SHISA9: variants seen among roughly 807,000 people sequenced by gnomAD.
SHISA9 encodes shisa family member 9, also known as protein shisa-9.
In SHISA9, 13 loss-of-function variants were observed where a neutral mutation model predicts 38.0. The observed-to-expected ratio is 0.34, with a 90% CI of 0.22 to 0.54. The LOEUF is 0.54. Ranked by LOEUF, SHISA9 falls within the 20% of genes least tolerant of loss-of-function variation. The pLI, the probability that SHISA9 is intolerant of heterozygous loss-of-function variation, is 0.91. For missense variants in SHISA9, 538 were observed against 575.8 expected (o/e 0.93, Z 0.67); for synonymous variants, 275 against 242.0 (o/e 1.14, Z -1.27).
chr16:13,009,540 G>C (rs776290789), intron 2 of SHISA9, among the ~76,000 whole-genome samples: 1 of 152,102 alleles, frequency 6.6e-6, no homozygotes, highest in Non-Finnish European at 1.5e-5. Context: ...AAGGTGAAAG[G>C]GCCAATAGCC....
At chr16:12,988,118 C>T (rs1029069326) in intron 2 of SHISA9, among the ~76,000 whole-genome samples, 6 of 152,220 alleles carry the variant, frequency 3.9e-5, no homozygotes. Context: ...CAGCAATGCA[C>T]TGAGACTCCT....
intron 2 of SHISA9, among the ~76,000 whole-genome samples, chr16:13,112,155 C>T (rs2073984984): frequency 6.6e-6 from 1 of 152,104 alleles, no homozygotes; most frequent in African/African-American, 2.4e-5. Context: ...TAGGTTGTTT[C>T]ATGATTCGTC....
chr16:13,102,779 C>T (rs1460611565), intron 2 of SHISA9, among the ~76,000 whole-genome samples: 1 of 152,084 alleles, frequency 6.6e-6, no homozygotes, highest in Non-Finnish European at 1.5e-5. Context: ...CCTGTTAATC[C>T]CCAATCAATA....
At chr16:13,112,112 A>G (rs1279056558) in intron 2 of SHISA9, among the ~76,000 whole-genome samples, 3 of 151,514 alleles carry the variant, frequency 2.0e-5, no homozygotes, top group East Asian at 1.9e-4. Context: ...AAGGGTAAGG[A>G]TTTTTTTTTG....
the SHISA9 span, among the ~76,000 whole-genome samples, chr16:13,381,509 G>A: frequency 6.6e-6 from 1 of 152,154 alleles, no homozygotes; most frequent in Non-Finnish European, 1.5e-5. Flanking sequence ...GCACTTAAAT[G>A]TACTGAGTCA....
chr16:13,128,222 G>C (rs2050277842), intron 2 of SHISA9, among the ~76,000 whole-genome samples: 2 of 152,142 alleles, frequency 1.3e-5, no homozygotes, highest in African/African-American at 4.8e-5. Context: ...CTGGGTGAAG[G>C]AAAGGAAGGG....
intron 2 of SHISA9, among the ~76,000 whole-genome samples, chr16:12,986,151 C>T (rs2141827759): frequency 6.6e-6 from 1 of 152,238 alleles, no homozygotes; most frequent in African/African-American, 2.4e-5. Flanking sequence ...CATATACAAA[C>T]CCTCTTTAAG....
intron 2 of SHISA9, among the ~76,000 whole-genome samples, chr16:13,012,607 A>G (rs542931988): frequency 2.2e-4 from 33 of 152,304 alleles, no homozygotes; most frequent in South Asian, 4.1e-4. Context: ...CCTTCTACAC[A>G]TTGCAGGGAA....
chr16:12,998,328 T>G (rs186820648), intron 2 of SHISA9, among the ~76,000 whole-genome samples: 5 of 152,350 alleles, frequency 3.3e-5, no homozygotes, highest in African/African-American at 1.2e-4. Flanking sequence ...CATTTATTTC[T>G]TGCTCATGTG....
At chr16:13,456,280 T>G in the SHISA9 span, among the ~76,000 whole-genome samples, 1 of 152,152 alleles carries the variant, frequency 6.6e-6, no homozygotes, top group African/African-American at 2.4e-5. Context: ...TCAACCTGTT[T>G]CCCACTCGAA....
chr16:13,221,560 G>A (rs537434177), intron 4 of SHISA9, among the ~76,000 whole-genome samples: 8 of 151,338 alleles, frequency 5.3e-5, no homozygotes, highest in African/African-American at 1.7e-4. Flanking sequence ...ACTGTTTTAC[G>A]GTACTAAAAT....
chr16:13,286,732 A>G, the SHISA9 span, among the ~76,000 whole-genome samples: 5 of 152,296 alleles, frequency 3.3e-5, no homozygotes, highest in South Asian at 1.0e-3. Context: ...GCAGACATCC[A>G]TAGATAGATT....
chr16:13,338,299 T>C, the SHISA9 span, among the ~76,000 whole-genome samples: 1 of 152,224 alleles, frequency 6.6e-6, no homozygotes, highest in African/African-American at 2.4e-5. Flanking sequence ...CTCTTCTTTT[T>C]GCTTACGTCA....
chr16:13,311,570 C>A, the SHISA9 span, among the ~76,000 whole-genome samples: 8 of 152,266 alleles, frequency 5.3e-5, no homozygotes, highest in East Asian at 1.2e-3. Flanking sequence ...GTTGATTACA[C>A]AGTGCTACTA....
chr16:13,141,805 A>G (rs915667068), intron 2 of SHISA9, among the ~76,000 whole-genome samples: 9 of 152,180 alleles, frequency 5.9e-5, no homozygotes, highest in African/African-American at 1.7e-4. Flanking sequence ...TAAGTAGTCA[A>G]CATTACTTGC....
chr16:13,153,901 A>C (rs1365176817), intron 2 of SHISA9, among the ~76,000 whole-genome samples: 1 of 146,210 alleles, frequency 6.8e-6, no homozygotes, highest in African/African-American at 2.5e-5. Context: ...TTCACCAACA[A>C]GCACGTGGCT....
intron 4 of SHISA9, among the ~76,000 whole-genome samples, chr16:13,222,319 A>T (rs1043775694): frequency 6.6e-6 from 1 of 152,104 alleles, no homozygotes; most frequent in African/African-American, 2.4e-5. Context: ...CTCTACTCCG[A>T]GTGGTCACTC....
intron 2 of SHISA9, among the ~76,000 whole-genome samples, chr16:13,036,046 G>T (rs904073362): frequency 1.3e-5 from 2 of 152,152 alleles, no homozygotes; most frequent in African/African-American, 2.4e-5. Context: ...ACACACTGAA[G>T]GTGTAAAATA....
chr16:13,448,919 A>G, the SHISA9 span, among the ~76,000 whole-genome samples: 73,991 of 152,060 alleles, frequency 0.49, 19,024 homozygotes, highest in African/African-American at 0.64. Context: ...GGTTTCAAGC[A>G]TTTGAAGAAT....
Sources: allele counts gnomAD v4.1 joint callset (sites outside exome capture counted in the v4.1 genomes callset), GRCh38; gene constraint gnomAD v4.1.1; transcripts MANE v1.5; gene names NCBI Gene and HGNC (gene_info 2026-07-23, HGNC 2026-07-21).